AIMP2: variants seen among roughly 807,000 people sequenced by gnomAD.
AIMP2 encodes aminoacyl tRNA synthase complex-interacting multifunctional protein 2.
Under a neutral mutation model 23.4 loss-of-function variants are expected in AIMP2, and 20 were observed. The ratio of observed to expected loss-of-function variants is 0.85; its 90% confidence interval spans 0.60 to 1.24. The LOEUF is 1.24. Ranked by LOEUF, AIMP2 falls within the 50% of genes most tolerant of loss-of-function variation. The pLI is 0.00. For missense variants in AIMP2, 515 were observed against 414.5 expected (o/e 1.24, Z -2.10); for synonymous variants, 210 against 170.4 (o/e 1.23, Z -1.81).
chr7:6,021,799 T>C (rs1390180022), intron 3 of AIMP2, among the ~76,000 whole-genome samples: 2 of 152,184 alleles, frequency 1.3e-5, no homozygotes, highest in Non-Finnish European at 1.5e-5. Context: ...TGGAGTCTTC[T>C]ATGATATAAG....
chr7:6,017,283 A>G (rs900809240), intron 2 of AIMP2, among the ~76,000 whole-genome samples: 6 of 152,048 alleles, frequency 3.9e-5, no homozygotes, highest in African/African-American at 1.4e-4. Context: ...TGGGAGGCCA[A>G]GACGGACAGG....
intron 2 of AIMP2, 74 bp from the exon 3 acceptor site, chr7:6,017,740 T>C (rs1583457041): frequency 7.3e-7 from 1 of 1,369,442 alleles, no homozygotes; most frequent in East Asian, 2.5e-5. Flanking sequence ...CCTGGTTAGG[T>C]TCTTAGACTC....
Position 6,023,628 on chromosome 7 carries a change from G to T in AIMP2, c.900G>T (p.Gln300His). 6.2e-7 allele frequency: 1 copy of T among 1,614,168 alleles called. No individual in the cohort carries two copies. Among genetic ancestry groups the T allele is most frequent in the Non-Finnish European group, 8.5e-7 (1 of 1,180,024 alleles). Residue 300 changes from glutamine (Q) to histidine (H), a missense_variant, in exon 4 of 4, where the codon CAG becomes CAT. Transcript: ENST00000223029. ...GCSVTVPANV[Q>H]RWMRSCENLA... ...GTGTGACAGTGCCAGCCAATGTGCA[G>T]AGGTGGATGAGGTCTTGTGAAAACC...
At chr7:6,020,776 G>A (rs940077929) in intron 3 of AIMP2, among the ~76,000 whole-genome samples, 1 of 152,180 alleles carries the variant, frequency 6.6e-6, no homozygotes, top group African/African-American at 2.4e-5. Context: ...GGGCATGGGA[G>A]GGAACCACAA....
At chr7:6,019,264 G>C (rs890273704) in intron 3 of AIMP2, among the ~76,000 whole-genome samples, 1 of 144,346 alleles carries the variant, frequency 6.9e-6, no homozygotes, top group African/African-American at 2.9e-5. Context: ...CAGATCACGA[G>C]GTCAGGATAT....
chr7:6,009,418 G>C lies in AIMP2; in HGVS notation c.55G>C (p.Glu19Gln). Residue 19 changes from glutamate (E) to glutamine (Q), a missense_variant, in exon 1 of 4, where the codon GAG (glutamate) becomes CAG (glutamine). Coordinates refer to ENST00000223029, the MANE Select transcript of AIMP2 (RefSeq NM_006303.4). ...CGGGGGCGGCGCGCCTCTCCGTGTG[G>C]AGCTTCCCACCTGCATGTACCGGCT... ...YHGGGAPLRV[E>Q]LPTCMYRLPN... 3 of 1,611,528 alleles carry C rather than the reference G, an allele frequency of 1.9e-6. No individual in the cohort carries two copies. Among genetic ancestry groups the C allele is most frequent in the Non-Finnish European group, 2.5e-6 (3 of 1,179,980 alleles).
Position 6,017,923 on chromosome 7 carries a change from C to T in AIMP2, c.452C>T (p.Thr151Met), listed in dbSNP as rs765640941. The T allele has an allele frequency of 2.1e-5, 34 of 1,613,956 alleles. No individual in the cohort carries two copies. The highest frequency in any genetic ancestry group is 1.6e-4 in the Middle Eastern group (1 of 6,084). Residue 151 changes from threonine to methionine, a missense_variant, in exon 3 of 4, where the codon ACG becomes ATG. By Grantham distance (81) the Thr-to-Met change is moderately conservative. Coordinates refer to ENST00000223029, the MANE Select transcript of AIMP2 (RefSeq NM_006303.4). ...TGTGAGCACTTCAGGGTCCTGTCCA[C>T]GGTGCACACGCACTCCTCGGTCAAG... Reference protein sequence around the residue: ...LLCEHFRVLSTVHTHSSVKSV... With the variant: ...LLCEHFRVLSMVHTHSSVKSV...
intron 3 of AIMP2, among the ~76,000 whole-genome samples, chr7:6,018,529 G>A (rs1353661055): frequency 6.6e-6 from 1 of 151,284 alleles, no homozygotes; most frequent in Non-Finnish European, 1.5e-5. Flanking sequence ...CAGACAAACC[G>A]CATAGCCTAG....
Position 6,017,891 on chromosome 7 carries a change from G to A in AIMP2, c.420G>A (p.Arg140=), listed in dbSNP as rs774693908. 5.6e-6 allele frequency: 9 copies of A among 1,613,948 alleles called. No individual in the cohort carries two copies. The highest frequency in any genetic ancestry group is 5.9e-6 in the Non-Finnish European group (7 of 1,180,036). ...CCCTCTCCCTGCTTGTGCTGCACAG[G>A]CTGCTCTGTGAGCACTTCAGGGTCC... is the stretch of plus-strand genomic sequence containing the variant. ...SPPLSLLVLH[R]LLCEHFRVLS... Residue 140 remains arginine, a synonymous_variant, in exon 3 of 4, where the codon AGG becomes AGA. Transcript: ENST00000223029.
Position 6,023,365 on chromosome 7 carries a change from A to G in AIMP2, c.637A>G (p.Ile213Val). Reference sequence around the variant, plus strand: ...GTGCCCCATCGAAGGCGAAGGGAACATTGCACGTTTCTTGTTCTCTCTGTT... The same window carrying G: ...GTGCCCCATCGAAGGCGAAGGGAACGTTGCACGTTTCTTGTTCTCTCTGTT... ...TMCPIEGEGNIARFLFSLFGQ... is the reference protein window; with the variant it reads ...TMCPIEGEGNVARFLFSLFGQ... The change falls in exon 4 of 4, where the codon ATT becomes GTT. Residue 213 changes from isoleucine to valine, a missense_variant. Transcript: ENST00000223029. 1.9e-6 allele frequency: 3 copies of G among 1,613,904 alleles called. No individual in the cohort carries two copies. In the East Asian group the frequency reaches 6.7e-5, roughly 36 times the overall value.
intron 3 of AIMP2, chr7:6,022,196 C>T (rs745606258): frequency 6.6e-6 from 1 of 152,248 alleles, no homozygotes; most frequent in Non-Finnish European, 1.5e-5. Context: ...CCACCTCAGC[C>T]TCCCAAGCAG....
intron 1 of AIMP2, among the ~76,000 whole-genome samples, chr7:6,014,067 A>T (rs1786866626): frequency 6.6e-6 from 1 of 152,036 alleles, no homozygotes; most frequent in Non-Finnish European, 1.5e-5. Context: ...CCCTATTTGT[A>T]TAAATTACTC....
chr7:6,016,245 G>A (rs541727270), intron 2 of AIMP2, among the ~76,000 whole-genome samples: 15 of 152,278 alleles, frequency 9.9e-5, no homozygotes, highest in African/African-American at 3.6e-4. Context: ...TAATTTAGGG[G>A]AGAATCTGAT....
intron 3 of AIMP2, among the ~76,000 whole-genome samples, chr7:6,018,651 TG>T: frequency 6.6e-6 from 1 of 151,200 alleles, no homozygotes; most frequent in East Asian, 2.0e-4. Flanking sequence ...CTGACCAACA[TG>T]GTGAAACCCC....
intron 1 of AIMP2, among the ~76,000 whole-genome samples, chr7:6,009,974 A>ATATATACATATATATATAT (rs1554310935): frequency 3.8e-5 from 1 of 26,662 alleles, no homozygotes; most frequent in Non-Finnish European, 6.8e-5. Context: ...AAAAAAAAAA[A>ATATATACATATATATATAT]ATATATATAT....
chr7:6,010,904 C>T (rs968942132), intron 1 of AIMP2, among the ~76,000 whole-genome samples: 10 of 151,872 alleles, frequency 6.6e-5, no homozygotes, highest in Admixed American at 5.3e-4. Flanking sequence ...TGGCCACAGG[C>T]GATCCTCTAA....
chr7:6,020,420 C>A (rs10231937), intron 3 of AIMP2, among the ~76,000 whole-genome samples: 65,671 of 150,848 alleles, frequency 0.44, 14,439 homozygotes, highest in Non-Finnish European at 0.48. Flanking sequence ...GACTCCGTCT[C>A]AAAAAAAAAG....
intron 1 of AIMP2, chr7:6,012,675 T>C: frequency 2.6e-6 from 1 of 391,522 alleles, no homozygotes. Context: ...TTCTCCTGCC[T>C]TAGCCTCTCC....
At chr7:6,019,481 T>C (rs1288681443) in intron 3 of AIMP2, among the ~76,000 whole-genome samples, 1 of 65,660 alleles carries the variant, frequency 1.5e-5, no homozygotes, top group Non-Finnish European at 3.1e-5. Context: ...CAAGACTCCG[T>C]CTCAAAAAAA....
Sources: allele counts gnomAD v4.1 joint callset (sites outside exome capture counted in the v4.1 genomes callset), GRCh38; gene constraint gnomAD v4.1.1; transcripts MANE v1.5; gene names NCBI Gene and HGNC (gene_info 2026-07-23, HGNC 2026-07-21).